Variants in MLXIP observed in about 807,000 individuals in gnomAD.
The protein encoded by MLXIP is MLX-interacting protein.
In MLXIP, 30 loss-of-function variants were observed where a neutral mutation model predicts 87.2. The ratio of observed to expected loss-of-function variants is 0.34; its 90% CI spans 0.26 to 0.47. MLXIP has a LOEUF of 0.47. Ranked by LOEUF, MLXIP falls within the 20% of genes least tolerant of loss-of-function variation. The pLI is 1.00. For synonymous variants in MLXIP, 530 were observed against 514.0 expected, an observed-to-expected ratio of 1.03 and a Z score of -0.42; for missense variants, 1,002 against 1,240.1, an observed-to-expected ratio of 0.81 and a Z score of 2.88.
rs188700778 is a variant in MLXIP at position 122,120,994 on chromosome 12, G to A, written c.414-6262G>A. Reference sequence around the variant, plus strand: ...TGAGACCTATAACGATAGCCCCAGAGCCCTCTGCATGCTTGGTTTTTTTTT... The same window carrying A: ...TGAGACCTATAACGATAGCCCCAGAACCCTCTGCATGCTTGGTTTTTTTTT... On this transcript the variant is annotated intron_variant, in intron 1 of 16. Coordinates refer to ENST00000319080, the MANE Select transcript of MLXIP (RefSeq NM_014938.6). 4.9e-4 allele frequency among the ~76,000 whole-genome samples: 64 copies of A among 130,270 alleles called. 1 individual carries two copies. Among genetic ancestry groups the A allele is most frequent in the Middle Eastern group, 7.8e-3 (2 of 258 alleles). 85.5% of individuals were successfully genotyped at this position (130,270 alleles called of 152,430 possible). A position where few individuals can be genotyped will look rare whatever the true frequency, so the allele number is the denominator to read the frequency against.
intron 11 of MLXIP, chr12:122,136,459 C>CAAAAAAAAAAAAAAAAAAAAAA (rs1224302321): frequency 3.5e-5 from 1 of 28,176 alleles, no homozygotes; most frequent in African/African-American, 9.3e-5. Flanking sequence ...TCAAAAAATG[C>CAAAAAAAAAAAAAAAAAAAAAA]AAAAAAAAAA....
Position 122,094,197 on chromosome 12 carries a change from GTTGGTGT to G in MLXIP, c.413+14932_413+14938del, listed in dbSNP as rs1952304162. ...TGTGGTGTTGGTGTGTGTTGTGTGT[GTTGGTGT>G]GTGGAGTGTGTGGGTGTGTGTATGT... On this transcript the variant is annotated intron_variant, in intron 1 of 16. Coordinates refer to ENST00000319080, the MANE Select transcript of MLXIP (RefSeq NM_014938.6). Among the ~76,000 whole-genome samples the G allele has an allele frequency of 1.1e-3, 46 of 40,688 alleles. 1 individual carries two copies. In the South Asian group the frequency reaches 0.031, roughly 28 times the overall value. The allele number at this position is 40,688 out of a possible 152,430, so 26.7% of individuals were successfully genotyped here. A position where few individuals can be genotyped will look rare whatever the true frequency, so the allele number is the denominator to read the frequency against.
chr12:122,092,097 TTTTTCTTTTC>T (rs952017272), intron 1 of MLXIP, among the ~76,000 whole-genome samples: 1 of 151,726 alleles, frequency 6.6e-6, no homozygotes, highest in African/African-American at 2.4e-5. Context: ...TTTCTTTTCT[TTTTTCTTTTC>T]TTTTCTTTGA....
rs761628169 is a variant in MLXIP at position 122,129,157 on chromosome 12, G to C, written c.627G>C (p.Lys209Asn). 2 of 1,610,766 alleles carry C rather than the reference G, an allele frequency of 1.2e-6. No individual in the cohort carries two copies. The highest frequency in any genetic ancestry group is 1.7e-6 in the Non-Finnish European group (2 of 1,178,588). ...CCTAGGCCATCACCACGGAAGGGAA[G>C]TACTGGAAGAGCCGCATCGAGATTG... ...RRPEAITTEG[K>N]YWKSRIEIVI... is the part of the protein sequence containing the mutation. The change falls in exon 4 of 17, where the codon AAG (lysine) becomes AAC (asparagine). Residue 209 changes from lysine (K) to asparagine (N), a missense_variant. Transcript: ENST00000319080.
In MLXIP at chr12:122,135,566, C is replaced by T. The variant is rs763369656; in HGVS notation, c.1932C>T (p.Pro644=). 1.5e-5 allele frequency: 24 copies of T among 1,600,828 alleles called. No homozygotes were observed. The highest frequency in any genetic ancestry group is 1.5e-4 in the African/African-American group (11 of 74,682). The part of the protein sequence containing the change: ...LGHGTSSPPA[P]VSRLFPSTAQ... ...ATGGCACGAGCAGCCCGCCTGCCCC[C>T]GTCTCCCGGCTCTTCCCAAGCACAG... Residue 644 remains proline, a synonymous_variant, in exon 11 of 17, where the codon CCC becomes CCT. Coordinates refer to ENST00000319080, the MANE Select transcript of MLXIP (RefSeq NM_014938.6). The surrounding 1 kb of genome is among the most constrained non-coding windows in gnomAD (Gnocchi z 5.3).
Position 122,135,815 on chromosome 12 carries a change from T to C in MLXIP, c.2032+149T>C. ...TCTTGTAGGCCTGCTGATAACACAG[T>C]CTGGGAACACGCTCTGTGGGTGGCA... On this transcript the variant is annotated intron_variant, in intron 11 of 16. Coordinates refer to ENST00000319080, the MANE Select transcript of MLXIP (RefSeq NM_014938.6). The surrounding 1 kb of genome is among the most constrained non-coding windows in gnomAD (Gnocchi z 5.3). The C allele has an allele frequency of 2.1e-6, 2 of 949,344 alleles. No individual in the cohort carries two copies. The highest frequency in any genetic ancestry group is 3.0e-6 in the Non-Finnish European group (2 of 672,836). The allele number at this position is 949,344 out of a possible 1,614,324, so 58.8% of individuals were successfully genotyped here.
rs894991692 is a variant in MLXIP, at chr12:122,145,573, CAT to C, written c.*3763_*3764del. The C allele has an allele frequency of 2.1e-4, 32 of 152,322 alleles. No individual in the cohort carries two copies. The highest frequency in any genetic ancestry group is 7.0e-4 in the African/African-American group (29 of 41,460). 9.4% of individuals were successfully genotyped at this position (152,322 alleles called of 1,614,324 possible). ...CTGGGGTGCAGGTAAGGGTCTCTCT[CAT>C]AGAGGGGAGCTGCAGCTGAGAACTG... On this transcript the variant is annotated 3_prime_UTR_variant, in exon 17 of 17. Transcript: ENST00000319080.
intron 1 of MLXIP, among the ~76,000 whole-genome samples, chr12:122,103,594 C>T (rs978785811): frequency 6.7e-6 from 1 of 149,578 alleles, no homozygotes; most frequent in Non-Finnish European, 1.5e-5. Flanking sequence ...GATCTCGGCT[C>T]ACTGCAACCT....
At chr12:122,106,019 G>A (rs1448170017) in intron 1 of MLXIP, among the ~76,000 whole-genome samples, 1 of 152,138 alleles carries the variant, frequency 6.6e-6, no homozygotes, top group Non-Finnish European at 1.5e-5. Context: ...TCAAGGATTT[G>A]CCTGTTGCCC....
intron 3 of MLXIP, chr12:122,128,288 T>TA: frequency 4.6e-6 from 1 of 218,788 alleles, no homozygotes; most frequent in Non-Finnish European, 9.1e-6. Context: ...GTGTCTTTAT[T>TA]AAGAGACTTC....
intron 1 of MLXIP, among the ~76,000 whole-genome samples, chr12:122,093,998 T>C (rs1325252378): frequency 7.1e-6 from 1 of 140,938 alleles, no homozygotes; most frequent in Non-Finnish European, 1.5e-5. Context: ...TTGCGGTGTC[T>C]GGTGTGGTGT....
chr12:122,128,267 A>G, intron 3 of MLXIP: 1 of 319,050 alleles, frequency 3.1e-6, no homozygotes, highest in Non-Finnish European at 6.0e-6. Flanking sequence ...TGTCTAGAGG[A>G]ATATATAGAA....
In MLXIP at chr12:122,146,253, G is replaced by C. The variant is rs1359079761; in HGVS notation, c.*4441G>C. On this transcript the variant is annotated 3_prime_UTR_variant, in exon 17 of 17. Transcript: ENST00000319080. ...CCTTGTCTGCACACTTGTCAGGGGAGAGGGGACAGCAAGGTGGGAGGTTGA... is the reference window on the plus strand; with the variant it reads ...CCTTGTCTGCACACTTGTCAGGGGACAGGGGACAGCAAGGTGGGAGGTTGA... 1 of 152,420 alleles carries C rather than the reference G, an allele frequency of 6.6e-6. No individual in the cohort carries two copies. The highest frequency in any genetic ancestry group is 1.5e-5 in the Non-Finnish European group (1 of 68,160). 9.4% of individuals were successfully genotyped at this position (152,420 alleles called of 1,614,324 possible).
rs772555516 is a variant in MLXIP, at chr12:122,141,004, C to T, written c.2559C>T (p.Ser853=). 1 of 1,614,012 alleles carries T rather than the reference C, an allele frequency of 6.2e-7. No individual in the cohort carries two copies. The highest frequency in any genetic ancestry group is 1.1e-5 in the South Asian group (1 of 91,090). The stretch of plus-strand genomic sequence containing the variant: ...TTGAGTCGTTCAAGGGCATGGTGTC[C>T]ACCAGCAGCCTGGAGGAGCTGCACC... ...PLFESFKGMV[S]TSSLEELHRT... is the part of the protein sequence containing the mutation. Residue 853 remains serine (S), a synonymous_variant, in exon 16 of 17, where the codon TCC becomes TCT. Transcript: ENST00000319080.
intron 4 of MLXIP, 90 bp from the exon 5 acceptor site, chr12:122,129,498 C>T: frequency 6.8e-7 from 1 of 1,473,810 alleles, no homozygotes; most frequent in Non-Finnish European, 9.3e-7. Context: ...AGGACCCCTA[C>T]CTGCCTCCCT....
chr12:122,108,006 A>G (rs956652879), intron 1 of MLXIP, among the ~76,000 whole-genome samples: 4 of 152,158 alleles, frequency 2.6e-5, no homozygotes, highest in Non-Finnish European at 5.9e-5. Flanking sequence ...AAGGTGCGCC[A>G]TGTGTCCCCT....
chr12:122,116,844 C>G (rs1952699863), intron 1 of MLXIP, among the ~76,000 whole-genome samples: 1 of 152,200 alleles, frequency 6.6e-6, no homozygotes, highest in African/African-American at 2.4e-5. Context: ...CCGGGCCAGC[C>G]TGGGTGACGA....
chr12:122,125,276 G>A (rs1216707661), intron 1 of MLXIP, among the ~76,000 whole-genome samples: 1 of 151,140 alleles, frequency 6.6e-6, no homozygotes, highest in South Asian at 2.1e-4. Context: ...AAGTTGCAGT[G>A]AGCCAAGATC....
chr12:122,095,029 T>G, intron 1 of MLXIP, among the ~76,000 whole-genome samples: 1 of 143,522 alleles, frequency 7.0e-6, no homozygotes, highest in African/African-American at 2.6e-5. Flanking sequence ...GTGTGTTGTG[T>G]GTGTGGGGTG....
Sources: gnomAD v4.1 joint callset for allele counts (sites outside exome capture counted in the v4.1 genomes callset) on GRCh38, gnomAD v4.1.1 for gene constraint, Gnocchi (gnomAD v3.1) non-coding constraint, MANE v1.5 for transcripts, NCBI Gene and HGNC (gene_info 2026-07-23, HGNC 2026-07-21) for gene names.